GRK7: variants seen among roughly 807,000 people sequenced by gnomAD.
The protein encoded by GRK7 is G protein-coupled receptor kinase 7.
GRK7 carries 24 observed loss-of-function variants against 34.1 expected under a neutral mutation model. The ratio of observed to expected loss-of-function variants is 0.70; its 90% CI spans 0.51 to 0.99. The LOEUF is 0.99. Ranked by LOEUF, GRK7 falls within the 50% of genes least tolerant of loss-of-function variation. GRK7 has a pLI of 0.00. For synonymous variants in GRK7, 256 were observed against 279.4 expected (o/e 0.92, Z 0.84); for missense variants, 644 against 707.3 (o/e 0.91, Z 1.02).
upstream of GRK7, among the ~76,000 whole-genome samples, chr3:141,762,884 G>A (rs1002306459): frequency 1.3e-5 from 2 of 152,170 alleles, no homozygotes; most frequent in Non-Finnish European, 2.9e-5. Context: ...GGAGTGACCC[G>A]ATTTTCCAGG....
At chr3:141,757,289 GC>G in the GRK7 span, among the ~76,000 whole-genome samples, 1 of 151,590 alleles carries the variant, frequency 6.6e-6, no homozygotes, top group East Asian at 1.9e-4. Flanking sequence ...ATCTCCCAAT[GC>G]TATCCCTCCC....
At chr3:141,800,516 C>A (rs948650912) in intron 4 of GRK7, among the ~76,000 whole-genome samples, 7 of 151,552 alleles carry the variant, frequency 4.6e-5, no homozygotes, top group African/African-American at 1.7e-4. Flanking sequence ...TAATTATTAT[C>A]TTTTGAGATT....
At chr3:141,768,056 A>C (rs57394236) in intron 1 of GRK7, among the ~76,000 whole-genome samples, 9,995 of 152,198 alleles carry the variant, frequency 0.066, 341 homozygotes, top group South Asian at 0.12. Flanking sequence ...TGAATTGTTC[A>C]TTCCTCTATG....
chr3:141,816,659 G>A (rs996726032), intron 5 of GRK7, 55 bp from the exon 6 acceptor site: 1 of 989,124 alleles, frequency 1.0e-6, no homozygotes, highest in Non-Finnish European at 1.5e-6. Context: ...GTTAGAACAT[G>A]TCCCATTTTG....
Position 141,765,313 on chromosome 3 carries a change from ACT to A in GRK7, c.-636_-635del, listed in dbSNP as rs987569885. ...ACGCCCTTACCTTCAGGAGGTCTTG[ACT>A]CTCATCATTTTCTCAATTCAGTCTT... On this transcript the variant is annotated 5_prime_UTR_variant, in exon 1 of 6. Transcript: ENST00000682958. Among the ~76,000 whole-genome samples the A allele has an allele frequency of 1.3e-5, 2 of 151,668 alleles. No homozygotes were observed. Among genetic ancestry groups the A allele is most frequent in the African/African-American group, 4.8e-5 (2 of 41,254 alleles).
At chr3:141,782,796 C>A (rs2107879887) in intron 4 of GRK7, among the ~76,000 whole-genome samples, 2 of 138,274 alleles carry the variant, frequency 1.4e-5, no homozygotes, top group African/African-American at 2.6e-5. Context: ...CAAAGCGAGA[C>A]TCCATCTTAA....
chr3:141,784,183 C>T (rs2084684956), intron 4 of GRK7, among the ~76,000 whole-genome samples: 1 of 152,176 alleles, frequency 6.6e-6, no homozygotes, highest in South Asian at 2.1e-4. Context: ...CAGCTCCTTC[C>T]TTGGCTCCCG....
intron 2 of GRK7, among the ~76,000 whole-genome samples, chr3:141,777,491 A>ATT (rs530806848): frequency 0.018 from 1,415 of 80,554 alleles, 62 homozygotes; most frequent in East Asian, 0.11. Context: ...AGCCCGGCTA[A>ATT]TTTTTTTTTT....
intron 2 of GRK7, among the ~76,000 whole-genome samples, chr3:141,775,112 G>A (rs2084633248): frequency 6.6e-6 from 1 of 152,082 alleles, no homozygotes. Flanking sequence ...TAATTAATAA[G>A]AAAGTGAACC....
In GRK7 at chr3:141,778,371, G is replaced by A; in HGVS notation, c.87G>A (p.Glu29=). Reference sequence around the variant, plus strand: ...AGCCCTCGGACTGCGACAGCAAAGAGCTGCAGCGGCGGCGGCGTAGCCTGG... The same window carrying A: ...AGCCCTCGGACTGCGACAGCAAAGAACTGCAGCGGCGGCGGCGTAGCCTGG... ...ARKPSDCDSK[E]LQRRRRSLAL... Residue 29 remains glutamate, a synonymous_variant, in exon 3 of 6, where the codon GAG becomes GAA. Transcript: ENST00000682958. This position sits in a 1 kb window ranked among gnomAD's most constrained non-coding sequence, Gnocchi z 4.1. 1.2e-6 allele frequency: 2 copies of A among 1,611,590 alleles called. No individual in the cohort carries two copies. Among genetic ancestry groups the A allele is most frequent in the Non-Finnish European group, 1.7e-6 (2 of 1,178,716 alleles).
intron 4 of GRK7, among the ~76,000 whole-genome samples, chr3:141,798,663 C>T (rs1376253120): frequency 2.6e-5 from 4 of 152,172 alleles, no homozygotes; most frequent in African/African-American, 9.7e-5. Context: ...CGCTGCTTGG[C>T]GCGTTCTCTC....
At chr3:141,777,535 A>G (rs1451235425) in intron 2 of GRK7, among the ~76,000 whole-genome samples, 1 of 129,738 alleles carries the variant, frequency 7.7e-6, no homozygotes, top group Admixed American at 8.7e-5. Context: ...ACGGGGTTTC[A>G]CCGTGTTAGC....
In GRK7 at chr3:141,778,363, A is replaced by G; in HGVS notation, c.79A>G (p.Ser27Gly). 6.2e-7 allele frequency: 1 copy of G among 1,610,680 alleles called. No homozygotes were observed. The highest frequency in any genetic ancestry group is 8.5e-7 in the Non-Finnish European group (1 of 1,177,906). ...LQARKPSDCD[S>G]KELQRRRRSL... ...GGCCCGGAAGCCCTCGGACTGCGAC[A>G]GCAAAGAGCTGCAGCGGCGGCGGCG... Residue 27 changes from serine (S) to glycine (G), a missense_variant, in exon 3 of 6, where the codon AGC becomes GGC. Ser to Gly is a moderately conservative substitution (Grantham distance 56). Transcript: ENST00000682958. This position sits in a 1 kb window ranked among gnomAD's most constrained non-coding sequence, Gnocchi z 4.1.
At chr3:141,804,620 C>T (rs747483915) in intron 4 of GRK7, among the ~76,000 whole-genome samples, 3 of 151,348 alleles carry the variant, frequency 2.0e-5, no homozygotes, top group Admixed American at 6.6e-5. Flanking sequence ...TACACACGCT[C>T]ATACATACAC....
At chr3:141,750,599 T>C in the GRK7 span, among the ~76,000 whole-genome samples, 9,886 of 152,218 alleles carry the variant, frequency 0.065, 325 homozygotes, top group South Asian at 0.11. Flanking sequence ...CCATTATTAT[T>C]GATCACTACT....
At chr3:141,812,415 C>T (rs766556027) in intron 5 of GRK7, among the ~76,000 whole-genome samples, 6 of 152,312 alleles carry the variant, frequency 3.9e-5, no homozygotes, top group Admixed American at 2.6e-4. Flanking sequence ...ATTTTAATGA[C>T]GGAACTGTGG....
Position 141,781,045 on chromosome 3 carries a change from T to C in GRK7, c.1050+234T>C, listed in dbSNP as rs558133504. Among the ~76,000 whole-genome samples, 58 of 152,250 alleles carry C rather than the reference T, an allele frequency of 3.8e-4. 2 individuals are homozygous for C. In the South Asian group the frequency reaches 0.012, roughly 31 times the overall value. ...ACAGGGGATGGGGGAGCCTCCTTTG[T>C]GAGTTGGGGATGGCCTGTGCTTTTG... On this transcript the variant is annotated intron_variant, in intron 4 of 5. Coordinates refer to ENST00000682958, the MANE Select transcript of GRK7 (RefSeq NM_139209.3).
the GRK7 span, among the ~76,000 whole-genome samples, chr3:141,752,043 C>T: frequency 1.3e-5 from 2 of 152,190 alleles, no homozygotes; most frequent in East Asian, 3.9e-4. Flanking sequence ...ACATCTTATC[C>T]TTAACAAAAA....
intron 4 of GRK7, among the ~76,000 whole-genome samples, chr3:141,801,752 G>C (rs1191975860): frequency 1.3e-5 from 2 of 152,142 alleles, no homozygotes; most frequent in Non-Finnish European, 2.9e-5. Flanking sequence ...TGCATGACTA[G>C]AATAGTCAGG....
Sources: gnomAD v4.1 joint callset for allele counts (sites outside exome capture counted in the v4.1 genomes callset) on GRCh38, gnomAD v4.1.1 for gene constraint, Gnocchi (gnomAD v3.1) non-coding constraint, MANE v1.5 for transcripts, NCBI Gene and HGNC (gene_info 2026-07-23, HGNC 2026-07-21) for gene names.